LDB3: variants seen among roughly 807,000 people sequenced by gnomAD.
LDB3 encodes the protein LIM domain-binding protein 3.
In LDB3, 49 loss-of-function variants were observed where a neutral mutation model predicts 69.0. That is an observed-to-expected ratio of 0.71 (90% CI 0.56 to 0.90). The LOEUF is 0.90. LDB3 is among the 40% of genes least tolerant of loss of function. The pLI is 0.00. For missense variants in LDB3, 928 were observed against 974.1 expected, an observed-to-expected ratio of 0.95 and a Z score of 0.63; for synonymous variants, 387 against 396.2, an observed-to-expected ratio of 0.98 and a Z score of 0.28.
rs888570479 is a variant in LDB3 at position 86,692,607 on chromosome 10, T to G, written c.896+36T>G. 3 of 1,599,528 alleles carry G rather than the reference T, an allele frequency of 1.9e-6. No homozygotes were observed. The African/African-American group carries it at 4.0e-5, about 21-fold the overall frequency. On this transcript the variant is annotated intron_variant, in intron 7 of 13. Transcript: ENST00000361373. ...GGACTCAGGCTCTGTGGCCTTGCCCTCTAGCCCCGTCCCTCCCCGGGCAGC... is the reference window on the plus strand; with the variant it reads ...GGACTCAGGCTCTGTGGCCTTGCCCGCTAGCCCCGTCCCTCCCCGGGCAGC...
At chr10:86,685,556 A>G (rs1441665710) in intron 5 of LDB3, 5 of 923,538 alleles carry the variant, frequency 5.4e-6, no homozygotes, top group Non-Finnish European at 9.0e-6. Flanking sequence ...CTCCTCACCC[A>G]TTGCGGTTTG....
In LDB3 at chr10:86,685,538, T is replaced by C. The variant is rs555078151; in HGVS notation, c.689+3735T>C. ...CCGGCTCTGAGTTCTCCCTCCTCAC[T>C]CCTTGCTCTCCTCACCCATTGCGGT... On this transcript the variant is annotated intron_variant, in intron 5 of 13. Coordinates refer to ENST00000361373, the MANE Select transcript of LDB3 (RefSeq NM_007078.3). The C allele has an allele frequency of 2.0e-4, 166 of 825,046 alleles. 1 individual carries two copies. The highest frequency in any genetic ancestry group is 2.9e-4 in the Non-Finnish European group (137 of 468,634). 51.1% of individuals were successfully genotyped at this position (825,046 alleles called of 1,614,324 possible). A position where few individuals can be genotyped will look rare whatever the true frequency, so the allele number is the denominator to read the frequency against.
At position 86,718,861 on chromosome 10, in the gene LDB3, G is replaced by A. The variant is rs751841436; in HGVS notation, c.1978+14G>A. ...ACTGCGAGAAAGGTAGGAACACTTCGATGGCATGTGGGGAGGCCCCACAGC... is the reference window on the plus strand; with the variant it reads ...ACTGCGAGAAAGGTAGGAACACTTCAATGGCATGTGGGGAGGCCCCACAGC... On this transcript the variant is annotated intron_variant, in intron 12 of 13. Coordinates refer to ENST00000361373, the MANE Select transcript of LDB3 (RefSeq NM_007078.3). The A allele has an allele frequency of 5.0e-6, 8 of 1,613,890 alleles. No homozygotes were observed. Among genetic ancestry groups the A allele is most frequent in the South Asian group, 2.2e-5 (2 of 91,058 alleles).
At chr10:86,669,853 G>A (rs936711904) in intron 2 of LDB3, among the ~76,000 whole-genome samples, 6 of 152,212 alleles carry the variant, frequency 3.9e-5, no homozygotes, top group Non-Finnish European at 8.8e-5. Context: ...TGCCCACCAG[G>A]GGAACAAGGG....
Position 86,733,008 on chromosome 10 carries a change from G to A in LDB3, c.*32G>A, listed in dbSNP as rs372535555. On this transcript the variant is annotated 3_prime_UTR_variant, in exon 14 of 14. Transcript: ENST00000361373. Reference sequence around the variant, plus strand: ...AAGGCCGCCTGTGCTGACGAGGCCCGGAGCTGCTCCTGCTGCTGGCAACAA... The same window carrying A: ...AAGGCCGCCTGTGCTGACGAGGCCCAGAGCTGCTCCTGCTGCTGGCAACAA... The A allele has an allele frequency of 5.2e-5, 78 of 1,498,886 alleles. No individual in the cohort carries two copies. Among genetic ancestry groups the A allele is most frequent in the South Asian group, 1.5e-4 (13 of 87,338 alleles). The allele number at this position is 1,498,886 out of a possible 1,614,324, so 92.8% of individuals were successfully genotyped here.
intron 9 of LDB3, among the ~76,000 whole-genome samples, chr10:86,715,489 C>T (rs1159925650): frequency 6.6e-6 from 1 of 152,176 alleles, no homozygotes; most frequent in Non-Finnish European, 1.5e-5. Flanking sequence ...TTTTTCTGCT[C>T]TCAGGGAGCT....
At chr10:86,714,361 A>C (rs978804038) in intron 9 of LDB3, among the ~76,000 whole-genome samples, 1 of 152,068 alleles carries the variant, frequency 6.6e-6, no homozygotes, top group African/African-American at 2.4e-5. Flanking sequence ...TTGGACTCAT[A>C]TTCTTTACAG....
intron 7 of LDB3, among the ~76,000 whole-genome samples, chr10:86,703,041 C>A (rs1388388235): frequency 2.0e-5 from 3 of 152,184 alleles, no homozygotes; most frequent in African/African-American, 4.8e-5. Context: ...GGAGCTCTGG[C>A]TGCGGAGAGC....
At chr10:86,711,116 G>A (rs1403554979) in intron 9 of LDB3, among the ~76,000 whole-genome samples, 3 of 152,220 alleles carry the variant, frequency 2.0e-5, no homozygotes, top group Non-Finnish European at 2.9e-5. Context: ...GGGAACACAG[G>A]GAGGGGAGGC....
At chr10:86,725,811 C>G (rs983688409) in intron 12 of LDB3, among the ~76,000 whole-genome samples, 3 of 152,168 alleles carry the variant, frequency 2.0e-5, no homozygotes, top group Non-Finnish European at 4.4e-5. Flanking sequence ...ATTGTTTTCT[C>G]TTTGGGGCTT....
At chr10:86,701,850 G>A (rs187726860) in intron 7 of LDB3, among the ~76,000 whole-genome samples, 172 of 152,262 alleles carry the variant, frequency 1.1e-3, no homozygotes, top group African/African-American at 3.9e-3. Flanking sequence ...TGCAGAGGAT[G>A]TCATGGTTAG....
intron 5 of LDB3, among the ~76,000 whole-genome samples, chr10:86,690,789 G>T (rs1845721430): frequency 6.6e-6 from 1 of 152,248 alleles, no homozygotes; most frequent in African/African-American, 2.4e-5. Flanking sequence ...TAGCCTTCCT[G>T]AGCCCTATGA....
intron 5 of LDB3, among the ~76,000 whole-genome samples, chr10:86,684,173 C>G (rs906724792): frequency 2.6e-5 from 4 of 152,256 alleles, no homozygotes; most frequent in Non-Finnish European, 4.4e-5. Flanking sequence ...CTTCTCCTCC[C>G]TTCTGAGGCT....
chr10:86,681,838 C>G, intron 5 of LDB3, 35 bp downstream of exon 5: 1 of 1,539,908 alleles, frequency 6.5e-7, no homozygotes, highest in Non-Finnish European at 8.7e-7. Context: ...CACAGGTGGC[C>G]TGGGCCACCT....
chr10:86,692,632 C>G (rs1335658846), intron 7 of LDB3, 61 bp downstream of exon 7: 1 of 1,472,592 alleles, frequency 6.8e-7, no homozygotes. Context: ...CCCCGGGCAG[C>G]CCCCAGGTCA....
At chr10:86,719,118 G>A (rs2132488013) in intron 12 of LDB3, among the ~76,000 whole-genome samples, 1 of 152,296 alleles carries the variant, frequency 6.6e-6, no homozygotes, top group Admixed American at 6.5e-5. Flanking sequence ...TGTGGATCTG[G>A]TTAGGTGAGG....
In LDB3 at chr10:86,732,925, CAAG is replaced by C. The variant is rs755424680; in HGVS notation, c.2137_2139del (p.Lys713del). 9 of 1,613,878 alleles carry C rather than the reference CAAG, an allele frequency of 5.6e-6. No individual in the cohort carries two copies. Among genetic ancestry groups the C allele is most frequent in the African/African-American group, 5.3e-5 (4 of 74,954 alleles). ...ATCTGGAGGGGCAGCCGTTCTACTC[CAAG>C]AAGGACAGACCCCTGTGCAAGAAGC... On this transcript the variant is annotated inframe_deletion, in exon 14 of 14. Coordinates refer to ENST00000361373, the MANE Select transcript of LDB3 (RefSeq NM_007078.3).
rs1422207618 is a variant in LDB3 at position 86,735,873 on chromosome 10, C to A, written c.*2897C>A. ...ATATCTGCAGTGTTTGTGTTAGGAA[C>A]CTAGCTTTTATAATGTGTTAACTTT... On this transcript the variant is annotated 3_prime_UTR_variant, in exon 14 of 14. Transcript: ENST00000361373. 1 of 151,176 alleles carries A rather than the reference C, an allele frequency of 6.6e-6. No homozygotes were observed. Among genetic ancestry groups the A allele is most frequent in the Non-Finnish European group, 1.5e-5 (1 of 67,914 alleles). 9.4% of individuals were successfully genotyped at this position (151,176 alleles called of 1,614,324 possible).
chr10:86,679,234 G>A (rs898679766), intron 2 of LDB3, 133 bp from the exon 3 acceptor site: 2 of 1,067,326 alleles, frequency 1.9e-6, no homozygotes, highest in Admixed American at 3.7e-5. Flanking sequence ...TTAGCAGCTG[G>A]TACTGGCCGT....
Sources: allele counts gnomAD v4.1 joint callset (sites outside exome capture counted in the v4.1 genomes callset), GRCh38; gene constraint gnomAD v4.1.1; transcripts MANE v1.5; gene names NCBI Gene and HGNC (gene_info 2026-07-23, HGNC 2026-07-21).